Variants in IDO1 observed in about 807,000 individuals in gnomAD.
IDO1 encodes indolamine 2,3 dioxygenase.
Under a neutral mutation model 38.8 loss-of-function variants are expected in IDO1, and 35 were observed. The ratio of observed to expected loss-of-function variants is 0.90; its 90% CI spans 0.69 to 1.20. The LOEUF (loss-of-function observed/expected upper bound fraction) is 1.20. Ranked by LOEUF, IDO1 falls within the 50% of genes most tolerant of loss-of-function variation. The probability of loss-of-function intolerance (pLI) is 0.00; values close to 1 mark genes in which losing one functional copy is unlikely to be tolerated. For missense variants in IDO1, 509 were observed against 485.1 expected, an observed-to-expected ratio of 1.05 and a Z score of -0.46; for synonymous variants, 171 against 170.0, an observed-to-expected ratio of 1.01 and a Z score of -0.05.
Position 39,914,293 on chromosome 8 carries a change from T to C in IDO1, c.87+284T>C, listed in dbSNP as rs138693162. On this transcript the variant is annotated intron_variant, in intron 1 of 9. Coordinates refer to ENST00000518237, the MANE Select transcript of IDO1 (RefSeq NM_002164.6). ...GTGTATCAGCTTTACATAAGAATTA[T>C]ATAGTAAAATACAAACAATGAGGTT... 106 of 234,712 alleles carry C rather than the reference T, an allele frequency of 4.5e-4. 1 individual carries two copies. The East Asian group carries it at 9.9e-3, about 22-fold the overall frequency. The allele number at this position is 234,712 out of a possible 1,614,324, so 14.5% of individuals were successfully genotyped here. A position where few individuals can be genotyped will look rare whatever the true frequency, so the allele number is the denominator to read the frequency against.
intron 6 of IDO1, 45 bp from the exon 7 acceptor site, chr8:39,923,424 A>C: frequency 8.3e-7 from 1 of 1,202,490 alleles, no homozygotes; most frequent in Non-Finnish European, 1.2e-6. Flanking sequence ...AAAAAAAAGA[A>C]AGAAAGAAAA....
chr8:39,923,897 C>T (rs1807318286), intron 7 of IDO1: 1 of 180,078 alleles, frequency 5.6e-6, no homozygotes, highest in South Asian at 2.0e-4. Context: ...CTTAGAGAAA[C>T]TTTCCACATG....
chr8:39,919,978 C>A, intron 4 of IDO1, 122 bp from the exon 5 acceptor site: 1 of 829,170 alleles, frequency 1.2e-6, no homozygotes, highest in Non-Finnish European at 2.1e-6. Context: ...TTTCTTTTTA[C>A]CTATGTCTTA....
chr8:39,925,940 C>A (rs1333506379), intron 9 of IDO1, among the ~76,000 whole-genome samples: 1 of 152,030 alleles, frequency 6.6e-6, no homozygotes, highest in Non-Finnish European at 1.5e-5. Context: ...GTAATCCTAG[C>A]ACTTTGGGAG....
chr8:39,914,052 T>C (rs1325710865), intron 1 of IDO1, 43 bp downstream of exon 1: 1 of 1,389,178 alleles, frequency 7.2e-7, no homozygotes, highest in South Asian at 1.2e-5. Context: ...ATTCTTCTTC[T>C]CATTCCTTAC....
rs895074787 is a variant in IDO1, at chr8:39,928,756, T to G, written c.*571T>G. Among the ~76,000 whole-genome samples the G allele has an allele frequency of 2.6e-5, 4 of 151,734 alleles. No homozygotes were observed. Among genetic ancestry groups the G allele is most frequent in the African/African-American group, 9.7e-5 (4 of 41,316 alleles). ...TCAAAAAAAAAAAAAAAAAGATATA[T>G]TCTGTCATAATAAATAAAAATGCAT... On this transcript the variant is annotated 3_prime_UTR_variant, in exon 10 of 10. Coordinates refer to ENST00000518237, the MANE Select transcript of IDO1 (RefSeq NM_002164.6).
chr8:39,918,336 A>G lies in IDO1; in HGVS notation c.303+129A>G, dbSNP rs1646081985. 8.7e-6 allele frequency: 7 copies of G among 805,292 alleles called. No homozygotes were observed. In the South Asian group the frequency reaches 1.3e-4, roughly 16 times the overall value. The allele number at this position is 805,292 out of a possible 1,614,324, so 49.9% of individuals were successfully genotyped here. A position where few individuals can be genotyped will look rare whatever the true frequency, so the allele number is the denominator to read the frequency against. On this transcript the variant is annotated intron_variant, in intron 3 of 9. Coordinates refer to ENST00000518237, the MANE Select transcript of IDO1 (RefSeq NM_002164.6). ...AAAGTTTAGATAACACGACAAAATG[A>G]TAAAGAAAATATGCCCTGGCTTGAC...
At chr8:39,925,679 T>G (rs977072171) in intron 9 of IDO1, among the ~76,000 whole-genome samples, 2 of 150,714 alleles carry the variant, frequency 1.3e-5, no homozygotes, top group Non-Finnish European at 3.0e-5. Context: ...AGGTCAGGAG[T>G]TTGAGACCAG....
In IDO1 at chr8:39,927,641, TA is replaced by T. The variant is rs1252929139; in HGVS notation, c.857-188del. 5.9e-5 allele frequency among the ~76,000 whole-genome samples: 9 copies of T among 151,886 alleles called. No individual in the cohort carries two copies. In the East Asian group the frequency reaches 1.7e-3, roughly 29 times the overall value. ...CTCATTCAGTTTTCAAAATTAATAA[TA>T]TTTTACAATAATTACGATTGCTAGT... On this transcript the variant is annotated intron_variant, in intron 9 of 9. Coordinates refer to ENST00000518237, the MANE Select transcript of IDO1 (RefSeq NM_002164.6).
At chr8:39,925,120 C>A in intron 8 of IDO1, 103 bp from the exon 9 acceptor site, 1 of 1,085,782 alleles carries the variant, frequency 9.2e-7, no homozygotes, top group African/African-American at 1.6e-5. Flanking sequence ...TGAAATCCAT[C>A]TCTTGTCACC....
intron 9 of IDO1, among the ~76,000 whole-genome samples, chr8:39,925,894 T>A (rs1434237634): frequency 1.4e-5 from 2 of 147,608 alleles, no homozygotes; most frequent in Admixed American, 1.4e-4. Context: ...AAAATAAAAA[T>A]AAAAAATAAA....
intron 9 of IDO1, 112 bp downstream of exon 9, chr8:39,925,483 A>G: frequency 4.6e-6 from 5 of 1,082,284 alleles, no homozygotes; most frequent in Non-Finnish European, 6.4e-6. Context: ...TGATAGTTTT[A>G]GCAGAATCAG....
At position 39,918,161 on chromosome 8, in the gene IDO1, T is replaced by A. The variant is rs1336878302; in HGVS notation, c.257T>A (p.Ile86Asn). The part of the protein sequence containing the change: ...QRLARLVLGC[I>N]TMAYVWGKGH... ...CTTGCACGTCTAGTTCTGGGATGCATCACCATGGCATATGTGTGGGGCAAA... is the reference window on the plus strand; with the variant it reads ...CTTGCACGTCTAGTTCTGGGATGCAACACCATGGCATATGTGTGGGGCAAA... The change falls in exon 3 of 10, where the codon ATC (isoleucine) becomes AAC (asparagine). Residue 86 changes from isoleucine to asparagine, a missense_variant. Transcript: ENST00000518237. 3 of 1,613,848 alleles carry A rather than the reference T, an allele frequency of 1.9e-6. No individual in the cohort carries two copies. The highest frequency in any genetic ancestry group is 3.3e-5 in the Admixed American group (2 of 59,996).
chr8:39,927,828 A>C lies in IDO1; in HGVS notation c.857-2A>C. 1 of 1,505,424 alleles carries C rather than the reference A, an allele frequency of 6.6e-7. No individual in the cohort carries two copies. The highest frequency in any genetic ancestry group is 1.4e-5 in the African/African-American group (1 of 71,696). 93.3% of individuals were successfully genotyped at this position (1,505,424 alleles called of 1,614,324 possible). ...TATTTCCTCTTTCTCTTTTTCCTAT[A>C]GGACATGCTGCTCAGTTCCTCCAGG... On this transcript the variant is annotated splice_acceptor_variant, in intron 9 of 9. Transcript: ENST00000518237. LOFTEE classifies it high-confidence loss of function.
chr8:39,914,805 AC>A (rs1295434730), intron 1 of IDO1, among the ~76,000 whole-genome samples: 1 of 152,068 alleles, frequency 6.6e-6, no homozygotes, highest in Non-Finnish European at 1.5e-5. Context: ...TCGCTCTGTC[AC>A]CTGGGCTGGA....
Position 39,927,902 on chromosome 8 carries a change from T to G in IDO1, c.929T>G (p.Leu310Ter). 1.2e-6 allele frequency: 2 copies of G among 1,606,550 alleles called. No homozygotes were observed. The highest frequency in any genetic ancestry group is 2.2e-5 in the South Asian group (2 of 89,566). The change falls in exon 10 of 10, where the codon TTA (leucine) becomes TGA (stop). Residue 310 changes from leucine to a stop codon, truncating the protein, a stop_gained. Transcript: ENST00000518237. LOFTEE classifies it low-confidence loss of function (END_TRUNC). ...GCTCACAGGAACTTCCTGTGCTCATTAGAGTCAAATCCCTCAGTCCGTGAG... is the reference window on the plus strand; with the variant it reads ...GCTCACAGGAACTTCCTGTGCTCATGAGAGTCAAATCCCTCAGTCCGTGAG... The part of the protein sequence containing the change: ...PPAHRNFLCS[L>*]ESNPSVREFV...
rs200635255 is a variant in IDO1, at chr8:39,922,578, G to C, written c.464G>C (p.Arg155Pro). 1.2e-6 allele frequency: 2 copies of C among 1,613,448 alleles called. No individual in the cohort carries two copies. The highest frequency in any genetic ancestry group is 1.7e-5 in the Admixed American group (1 of 59,996). ...YENMDVLFSF[R>P]DGDCSKGFFL... ...AACATGGACGTTTTGTTCTCATTTCGTGATGGAGACTGCAGTAAAGGATTC... is the reference window on the plus strand; with the variant it reads ...AACATGGACGTTTTGTTCTCATTTCCTGATGGAGACTGCAGTAAAGGATTC... Residue 155 changes from arginine to proline, a missense_variant, in exon 6 of 10, where the codon CGT becomes CCT. Coordinates refer to ENST00000518237, the MANE Select transcript of IDO1 (RefSeq NM_002164.6).
chr8:39,917,927 C>A lies in IDO1; in HGVS notation c.140C>A (p.Pro47His), dbSNP rs1488221708. 4 of 1,613,216 alleles carry A rather than the reference C, an allele frequency of 2.5e-6. No homozygotes were observed. Among genetic ancestry groups the A allele is most frequent in the Non-Finnish European group, 3.4e-6 (4 of 1,179,436 alleles). The change falls in exon 2 of 10, where the codon CCT (proline) becomes CAT (histidine). Residue 47 changes from proline (P) to histidine (H), a missense_variant. Coordinates refer to ENST00000518237, the MANE Select transcript of IDO1 (RefSeq NM_002164.6). ...TGGATGTTCATTGCTAAACATCTGC[C>A]TGATCTCATAGAGTCTGGCCAGCTT... ...NDWMFIAKHL[P>H]DLIESGQLRE...
At chr8:39,923,403 CAAAAAAAA>C (rs11337517) in intron 6 of IDO1, 58 bp from the exon 7 acceptor site, 3 of 745,298 alleles carry the variant, frequency 4.0e-6, no homozygotes, top group Non-Finnish European at 2.1e-6. Flanking sequence ...GACTCCGTCT[CAAAAAAAA>C]AAAAAAAAAA....
Sources: allele counts gnomAD v4.1 joint callset (sites outside exome capture counted in the v4.1 genomes callset), GRCh38; gene constraint gnomAD v4.1.1; transcripts MANE v1.5; gene names NCBI Gene and HGNC (gene_info 2026-07-23, HGNC 2026-07-21).